Variants in HOGA1 observed in about 807,000 individuals in gnomAD.
HOGA1 encodes 4-hydroxy-2-oxoglutarate aldolase 1.
HOGA1 carries 30 observed loss-of-function variants against 34.3 expected under a neutral mutation model. That is an observed-to-expected ratio of 0.87 (90% CI 0.65 to 1.19). HOGA1 has a LOEUF of 1.19. HOGA1 is among the 50% of genes most tolerant of loss of function. The pLI is 0.00. For missense variants in HOGA1, 417 were observed against 436.5 expected (o/e 0.96, Z 0.40); for synonymous variants, 161 against 174.0 (o/e 0.93, Z 0.59).
chr10:97,601,063 C>G (rs1257129147), intron 5 of HOGA1: 1 of 152,668 alleles, frequency 6.6e-6, no homozygotes, highest in Non-Finnish European at 1.5e-5. Flanking sequence ...AGTTTCTACT[C>G]TGTGTACAGA....
intron 5 of HOGA1, among the ~76,000 whole-genome samples, chr10:97,601,276 T>C (rs1418393254): frequency 6.6e-6 from 1 of 152,150 alleles, no homozygotes. Context: ...GGCGGGGGTT[T>C]CTGAGATCAC....
intron 1 of HOGA1, among the ~76,000 whole-genome samples, chr10:97,594,892 A>G (rs2041057134): frequency 6.6e-6 from 1 of 152,144 alleles, no homozygotes; most frequent in African/African-American, 2.4e-5. Context: ...ACCTTTGTAG[A>G]TGGGTGCTGT....
Position 97,611,517 on chromosome 10 carries a change from G to A in HOGA1, c.842G>A (p.Arg281Gln), listed in dbSNP as rs754049561. The A allele has an allele frequency of 2.4e-5, 38 of 1,614,090 alleles. No homozygotes were observed. The East Asian group carries it at 3.3e-4, about 14-fold the overall frequency. Residue 281 changes from arginine to glutamine, a missense_variant, in exon 7 of 7, where the codon CGG becomes CAG. Coordinates refer to ENST00000370646, the MANE Select transcript of HOGA1 (RefSeq NM_138413.4). Reference sequence around the variant, plus strand: ...ACAGGCCCTGCTTTGCAGGTGACCCGGCGCTTTGGGATCCCAGGGCTGAAG... The same window carrying A: ...ACAGGCCCTGCTTTGCAGGTGACCCAGCGCTTTGGGATCCCAGGGCTGAAG... The part of the protein sequence containing the change: ...RLIEPNAAVT[R>Q]RFGIPGLKKI...
chr10:97,602,242 T>A (rs1411054379), intron 6 of HOGA1: 3 of 1,483,344 alleles, frequency 2.0e-6, no homozygotes, highest in African/African-American at 2.8e-5. Context: ...AAGTTCCAAC[T>A]TTTGGGCCCA....
intron 1 of HOGA1, chr10:97,590,113 G>A (rs776403631): frequency 3.1e-6 from 5 of 1,614,104 alleles, no homozygotes; most frequent in Non-Finnish European, 4.2e-6. Flanking sequence ...TCAGCTCCAC[G>A]GTTCACATAG....
intron 1 of HOGA1, among the ~76,000 whole-genome samples, chr10:97,586,328 G>C (rs1408027570): frequency 2.0e-5 from 3 of 152,166 alleles, no homozygotes; most frequent in Non-Finnish European, 4.4e-5. Flanking sequence ...TGATTCCAAT[G>C]GTAATAATGA....
chr10:97,596,317 CT>C (rs1427782233), intron 1 of HOGA1, among the ~76,000 whole-genome samples: 1 of 152,198 alleles, frequency 6.6e-6, no homozygotes, highest in Non-Finnish European at 1.5e-5. Context: ...TGTAGGGCCC[CT>C]GGAACTGACC....
At chr10:97,588,245 T>G (rs1646576951) in intron 1 of HOGA1, among the ~76,000 whole-genome samples, 1 of 149,364 alleles carries the variant, frequency 6.7e-6, no homozygotes, top group East Asian at 2.0e-4. Flanking sequence ...TCTCCCAGGC[T>G]GCAGTGCAGT....
In HOGA1 at chr10:97,610,357, G is replaced by A. The variant is rs114167491; in HGVS notation, c.835-1153G>A. On this transcript the variant is annotated intron_variant, in intron 6 of 6. Transcript: ENST00000370646. ...CTGTCATGCACCTGAAGTCCAAGGT[G>A]CTGTGGAGGCTGAGGTGGGAGAATC... is the stretch of plus-strand genomic sequence containing the variant. Among the ~76,000 whole-genome samples the A allele has an allele frequency of 8.8e-3, 1,335 of 152,258 alleles. 24 individuals carry two copies. Among genetic ancestry groups the A allele is most frequent in the African/African-American group, 0.029 (1,189 of 41,556 alleles).
intron 5 of HOGA1, among the ~76,000 whole-genome samples, chr10:97,601,482 T>C (rs1275626933): frequency 2.6e-5 from 4 of 152,178 alleles, no homozygotes; most frequent in Non-Finnish European, 5.9e-5. Context: ...CCATCCGTCC[T>C]ACCCTCTTAC....
intron 6 of HOGA1, 55 bp from the exon 7 acceptor site, chr10:97,611,455 A>C: frequency 1.2e-6 from 2 of 1,603,530 alleles, no homozygotes; most frequent in South Asian, 2.2e-5. Flanking sequence ...TCCGAGTTCC[A>C]GATATGGGTG....
chr10:97,585,312 T>C (rs184754458), intron 1 of HOGA1, among the ~76,000 whole-genome samples: 56 of 152,268 alleles, frequency 3.7e-4, no homozygotes, highest in South Asian at 4.1e-4. Context: ...CTCCAAAGTT[T>C]GTTTGTACAT....
intron 6 of HOGA1, chr10:97,602,374 C>T: frequency 8.4e-7 from 1 of 1,191,648 alleles, no homozygotes; most frequent in Non-Finnish European, 1.1e-6. Flanking sequence ...CTATCGGGGG[C>T]CAGGTCCTGA....
chr10:97,611,810 T>C lies in HOGA1; in HGVS notation c.*151T>C. 1 of 871,004 alleles carries C rather than the reference T, an allele frequency of 1.1e-6. No individual in the cohort carries two copies. Among genetic ancestry groups the C allele is most frequent in the Non-Finnish European group, 1.8e-6 (1 of 559,594 alleles). 54.0% of individuals were successfully genotyped at this position (871,004 alleles called of 1,614,324 possible). On this transcript the variant is annotated 3_prime_UTR_variant, in exon 7 of 7. Transcript: ENST00000370646. ...CCTGCTGTGGTCCTCCAGGCAGCCTTTCACAGGCACGCCCATGCATATCTC... is the reference window on the plus strand; with the variant it reads ...CCTGCTGTGGTCCTCCAGGCAGCCTCTCACAGGCACGCCCATGCATATCTC...
rs531344852 is a variant in HOGA1, at chr10:97,604,975, C to T, written c.834+2985C>T. Among the ~76,000 whole-genome samples, 1,390 of 148,606 alleles carry T rather than the reference C, an allele frequency of 9.4e-3. 23 individuals are homozygous for T. Among genetic ancestry groups the T allele is most frequent in the African/African-American group, 0.032 (1,304 of 40,368 alleles). ...CAGCCTGGGTGACAGAGTGAGACTC[C>T]GTCTCAATAAATAAATAAATAAAAG... On this transcript the variant is annotated intron_variant, in intron 6 of 6. Coordinates refer to ENST00000370646, the MANE Select transcript of HOGA1 (RefSeq NM_138413.4).
At chr10:97,606,703 T>G (rs1564761368) in intron 6 of HOGA1, among the ~76,000 whole-genome samples, 1 of 152,230 alleles carries the variant, frequency 6.6e-6, no homozygotes, top group African/African-American at 2.4e-5. Context: ...GTTCTTTTTT[T>G]ATTCCTTCAA....
At chr10:97,599,592 G>C (rs2041099811) in intron 3 of HOGA1, 88 bp from the exon 4 acceptor site, 1 of 1,560,544 alleles carries the variant, frequency 6.4e-7, no homozygotes, top group Admixed American at 1.7e-5. Context: ...TAGTGAAGCA[G>C]GCTGGGACCT....
At chr10:97,598,162 C>T (rs1328069799) in intron 1 of HOGA1, among the ~76,000 whole-genome samples, 1 of 152,130 alleles carries the variant, frequency 6.6e-6, no homozygotes. Context: ...GACAGGTAGG[C>T]CATTTTTTGG....
chr10:97,598,470 A>C lies in HOGA1; in HGVS notation c.212-305A>C, dbSNP rs77548350. ...AAACTGCAGAAGGCTATTTAAGCTT[A>C]ATTCCATTTCTACAAGGCTTAAAAT... On this transcript the variant is annotated intron_variant, in intron 1 of 6. Coordinates refer to ENST00000370646, the MANE Select transcript of HOGA1 (RefSeq NM_138413.4). 0.014 allele frequency among the ~76,000 whole-genome samples: 2,082 copies of C among 152,380 alleles called. 103 individuals carry two copies. In the East Asian group the frequency reaches 0.17, roughly 13 times the overall value.
Sources: gnomAD v4.1 joint callset for allele counts (sites outside exome capture counted in the v4.1 genomes callset) on GRCh38, gnomAD v4.1.1 for gene constraint, MANE v1.5 for transcripts, NCBI Gene and HGNC (gene_info 2026-07-23, HGNC 2026-07-21) for gene names.